Variants in ADGRL2 observed in about 807,000 individuals in gnomAD.
ADGRL2 encodes the protein calcium-independent alpha-latrotoxin receptor 2.
Under a neutral mutation model 157.4 loss-of-function variants are expected in ADGRL2, and 44 were observed. The observed-to-expected ratio is 0.28, with a 90% CI of 0.22 to 0.36. The LOEUF (loss-of-function observed/expected upper bound fraction) is 0.36. ADGRL2 is among the 10% of genes least tolerant of loss of function. The probability of loss-of-function intolerance (pLI) is 1.00; values close to 1 mark genes in which losing one functional copy is unlikely to be tolerated. For missense variants in ADGRL2, 1,510 were observed against 1,768.9 expected, an observed-to-expected ratio of 0.85 and a Z score of 2.63; for synonymous variants, 585 against 624.7, an observed-to-expected ratio of 0.94 and a Z score of 0.95.
chr1:81,625,837 TA>T (rs1336340869), intron 3 of ADGRL2: 2 of 152,198 alleles, frequency 1.3e-5, no homozygotes, highest in Non-Finnish European at 2.9e-5. Flanking sequence ...TTATTGGCAG[TA>T]AGCATCTTTA....
intron 2 of ADGRL2, among the ~76,000 whole-genome samples, chr1:81,561,172 C>T (rs1446021649): frequency 6.6e-6 from 1 of 151,922 alleles, no homozygotes; most frequent in Non-Finnish European, 1.5e-5. Flanking sequence ...CTACTTGGCT[C>T]ATTTCACCTT....
intron 2 of ADGRL2, among the ~76,000 whole-genome samples, chr1:81,446,863 AT>A (rs2077606566): frequency 6.6e-6 from 1 of 152,138 alleles, no homozygotes; most frequent in African/African-American, 2.4e-5. Flanking sequence ...GTTATATTTA[AT>A]TTAGGTATTT....
chr1:81,711,590 GTTGTTT>G (rs953076999), intron 1 of ADGRL2, among the ~76,000 whole-genome samples: 75 of 152,200 alleles, frequency 4.9e-4, no homozygotes, highest in Non-Finnish European at 8.7e-4. Flanking sequence ...TTTGTTTTGT[GTTGTTT>G]TTGTTTTTGT....
At chr1:81,899,664 G>A (rs1309017958) in intron 2 of ADGRL2, among the ~76,000 whole-genome samples, 5 of 152,168 alleles carry the variant, frequency 3.3e-5, no homozygotes, top group South Asian at 2.1e-4. Context: ...CTCTTCAATT[G>A]TCAGGGTTGC....
chr1:81,424,304 A>T (rs1318647516), intron 1 of ADGRL2, among the ~76,000 whole-genome samples: 1 of 152,248 alleles, frequency 6.6e-6, no homozygotes, highest in Non-Finnish European at 1.5e-5. Context: ...AAGGAAGTGC[A>T]CAGCCGTCAG....
intron 2 of ADGRL2, among the ~76,000 whole-genome samples, chr1:81,551,679 G>GA (rs1043264566): frequency 1.3e-5 from 2 of 151,978 alleles, no homozygotes; most frequent in African/African-American, 2.4e-5. Context: ...GGTCTGAGTT[G>GA]AAAAAAATAG....
intron 3 of ADGRL2, among the ~76,000 whole-genome samples, chr1:81,929,732 G>C (rs1269548692): frequency 6.6e-6 from 1 of 152,136 alleles, no homozygotes; most frequent in Non-Finnish European, 1.5e-5. Context: ...ACAGTGCAGG[G>C]ACTACTGTGG....
intron 1 of ADGRL2, among the ~76,000 whole-genome samples, chr1:81,735,751 C>T (rs2084875660): frequency 6.6e-6 from 1 of 151,524 alleles, no homozygotes; most frequent in South Asian, 2.1e-4. Flanking sequence ...GATCATGCCA[C>T]TGTACCCCAG....
At chr1:81,983,252 G>T (rs1388621347) in intron 19 of ADGRL2, among the ~76,000 whole-genome samples, 5 of 151,904 alleles carry the variant, frequency 3.3e-5, no homozygotes, top group African/African-American at 9.7e-5. Context: ...TACTTCAAAA[G>T]AAGTATAACT....
chr1:81,828,438 T>G (rs927575646), intron 1 of ADGRL2, among the ~76,000 whole-genome samples: 1 of 152,196 alleles, frequency 6.6e-6, no homozygotes, highest in African/African-American at 2.4e-5. Context: ...TGCTTTTCTT[T>G]ATATGTGGAG....
intron 2 of ADGRL2, among the ~76,000 whole-genome samples, chr1:81,839,245 G>A (rs892704283): frequency 6.6e-6 from 1 of 151,928 alleles, no homozygotes; most frequent in Non-Finnish European, 1.5e-5. Flanking sequence ...GTTCTTGCAG[G>A]TAAACTCAGA....
chr1:81,392,639 T>C (rs2076580467), intron 1 of ADGRL2, among the ~76,000 whole-genome samples: 1 of 152,136 alleles, frequency 6.6e-6, no homozygotes, highest in African/African-American at 2.4e-5. Context: ...GCTGGAAGCA[T>C]ATTATTAAGA....
chr1:81,762,893 A>T (rs1273822310), intron 2 of ADGRL2, among the ~76,000 whole-genome samples: 2 of 152,006 alleles, frequency 1.3e-5, no homozygotes, highest in African/African-American at 2.4e-5. Flanking sequence ...TCTACTAAAA[A>T]TACAAAAAAT....
intron 1 of ADGRL2, among the ~76,000 whole-genome samples, chr1:81,747,948 A>G (rs1217606727): frequency 6.6e-6 from 1 of 152,112 alleles, no homozygotes; most frequent in East Asian, 1.9e-4. Context: ...AAATTATATA[A>G]CAAGAACTAG....
At chr1:81,902,496 G>A (rs529004280) in intron 2 of ADGRL2, among the ~76,000 whole-genome samples, 6 of 152,142 alleles carry the variant, frequency 3.9e-5, no homozygotes, top group Non-Finnish European at 8.8e-5. Context: ...TACTGGGGAG[G>A]CTGAAGTGGA....
chr1:81,331,381 C>T (rs939701685), intron 1 of ADGRL2, among the ~76,000 whole-genome samples: 4 of 152,064 alleles, frequency 2.6e-5, no homozygotes, highest in Non-Finnish European at 5.9e-5. Flanking sequence ...GGGTATGTTA[C>T]GTTTACTTTG....
chr1:81,572,940 G>A (rs1382555980), intron 2 of ADGRL2, among the ~76,000 whole-genome samples: 3 of 150,716 alleles, frequency 2.0e-5, no homozygotes, highest in East Asian at 1.9e-4. Flanking sequence ...TTATGGGAAC[G>A]TAGTTTGACA....
chr1:81,974,121 AC>A (rs1286585167), intron 17 of ADGRL2, among the ~76,000 whole-genome samples: 1 of 152,192 alleles, frequency 6.6e-6, no homozygotes, highest in Admixed American at 6.6e-5. Context: ...CTGAATTGAA[AC>A]TGTTTCACTT....
chr1:81,785,369 T>G (rs2149395656), intron 2 of ADGRL2, among the ~76,000 whole-genome samples: 1 of 152,258 alleles, frequency 6.6e-6, no homozygotes, highest in African/African-American at 2.4e-5. Flanking sequence ...TATATATTAC[T>G]TAGGATTTTA....
Sources: allele counts gnomAD v4.1 joint callset (sites outside exome capture counted in the v4.1 genomes callset), GRCh38; gene constraint gnomAD v4.1.1; transcripts MANE v1.5; gene names NCBI Gene and HGNC (gene_info 2026-07-23, HGNC 2026-07-21).